ATMIN: variants seen among roughly 807,000 people sequenced by gnomAD.
ATMIN encodes ATM interactor.
Under a neutral mutation model 49.2 loss-of-function variants are expected in ATMIN, and 24 were observed. The ratio of observed to expected loss-of-function variants is 0.49; its 90% CI spans 0.35 to 0.69. The LOEUF (loss-of-function observed/expected upper bound fraction) is 0.69. Ranked by LOEUF, ATMIN falls within the 30% of genes least tolerant of loss-of-function variation. ATMIN has a pLI of 0.00. For missense variants in ATMIN, 1,037 were observed against 1,005.5 expected (o/e 1.03, Z -0.42); for synonymous variants, 450 against 392.5 (o/e 1.15, Z -1.73).
Position 81,043,630 on chromosome 16 carries a change from G to C in ATMIN, c.1132G>C (p.Glu378Gln), listed in dbSNP as rs1302751819. 1.9e-6 allele frequency: 3 copies of C among 1,614,214 alleles called. No homozygotes were observed. The Admixed American group carries it at 5.0e-5, about 27-fold the overall frequency. ...CAAAATTGCTAATCCTATTGCTGGT[G>C]AGCCAATAAGTACTGGTGTTCAAGT... is the stretch of plus-strand genomic sequence containing the variant. ...LFKIANPIAGEPISTGVQVNF... is the reference protein window; with the variant it reads ...LFKIANPIAGQPISTGVQVNF... The change falls in exon 4 of 4, where the codon GAG becomes CAG. Residue 378 changes from glutamate to glutamine, a missense_variant. Physicochemically the swap from Glu to Gln is conservative, Grantham distance 29. Coordinates refer to ENST00000299575, the MANE Select transcript of ATMIN (RefSeq NM_015251.3).
At position 81,036,295 on chromosome 16, in the gene ATMIN, A is replaced by T. The variant is rs994394103; in HGVS notation, c.336+89A>T. 22 of 1,089,076 alleles carry T rather than the reference A, an allele frequency of 2.0e-5. No individual in the cohort carries two copies. The African/African-American group carries it at 3.5e-4, about 17-fold the overall frequency. 67.5% of individuals were successfully genotyped at this position (1,089,076 alleles called of 1,614,324 possible). ...GGCGCGCGAAGCCGGCCTCGGGGGG[A>T]CGAGCGCCCTGCGCGCTGCCGCTGC... On this transcript the variant is annotated intron_variant, in intron 1 of 3. Transcript: ENST00000299575.
Position 81,044,470 on chromosome 16 carries a change from A to C in ATMIN, c.1972A>C (p.Thr658Pro), listed in dbSNP as rs530747895. The C allele has an allele frequency of 6.2e-7, 1 of 1,614,166 alleles. No homozygotes were observed. The highest frequency in any genetic ancestry group is 8.5e-7 in the Non-Finnish European group (1 of 1,180,038). The change falls in exon 4 of 4, where the codon ACC (threonine) becomes CCC (proline). Residue 658 changes from threonine to proline, a missense_variant. Transcript: ENST00000299575. ...QTQTEESELS[T>P]MTTEPVLESL... is the part of the protein sequence containing the mutation. ...TCAAACTGAAGAGAGTGAACTTAGC[A>C]CCATGACCACCGAGCCAGTCTTGGA... is the stretch of plus-strand genomic sequence containing the variant.
chr16:81,042,307 G>A lies in ATMIN; in HGVS notation c.489G>A (p.Lys163=), dbSNP rs1397435666. The A allele has an allele frequency of 1.9e-6, 3 of 1,613,658 alleles. No individual in the cohort carries two copies. In the East Asian group the frequency reaches 6.7e-5, roughly 36 times the overall value. ...ACTTTATGAAAATGCATGCTGAGAA[G>A]AAGCACAAATGTAGTAAGTGCAGCA... The part of the protein sequence containing the change: ...KQHFMKMHAE[K]KHKCSKCSNS... The change falls in exon 3 of 4, where the codon AAG becomes AAA. Residue 163 remains lysine, a synonymous_variant. Coordinates refer to ENST00000299575, the MANE Select transcript of ATMIN (RefSeq NM_015251.3).
Position 81,035,944 on chromosome 16 carries a change from C to G in ATMIN, c.74C>G (p.Ala25Gly), listed in dbSNP as rs1970919400. ...LAAGARAVPAATTGAAAAASG... is the reference protein window; with the variant it reads ...LAAGARAVPAGTTGAAAAASG... ...GCGGGTGCCCGGGCCGTCCCGGCGG[C>G]CACGACAGGAGCCGCCGCCGCCGCC... Residue 25 changes from alanine (A) to glycine (G), a missense_variant, in exon 1 of 4, where the codon GCC (alanine) becomes GGC (glycine). Physicochemically the swap from Ala to Gly is moderately conservative, Grantham distance 60 (BLOSUM62 0). Transcript: ENST00000299575. 9.9e-7 allele frequency: 1 copy of G among 1,008,522 alleles called. No individual in the cohort carries two copies. Among genetic ancestry groups the G allele is most frequent in the Admixed American group, 6.0e-5 (1 of 16,752 alleles). The allele number at this position is 1,008,522 out of a possible 1,614,324, so 62.5% of individuals were successfully genotyped here.
At chr16:81,041,100 C>G (rs1237561920) in intron 1 of ATMIN, 2 of 365,948 alleles carry the variant, frequency 5.5e-6, no homozygotes, top group Non-Finnish European at 1.0e-5. Flanking sequence ...GGGGGCATCT[C>G]CCTGGAATGT....
At chr16:81,040,805 G>A (rs1971024756) in intron 1 of ATMIN, 2 of 155,814 alleles carry the variant, frequency 1.3e-5, no homozygotes, top group African/African-American at 4.8e-5. Flanking sequence ...ATCTGATAAA[G>A]TATGAGTGAA....
At chr16:81,036,279 AGCCGG>A in intron 1 of ATMIN, 73 bp downstream of exon 1, 1 of 1,089,158 alleles carries the variant, frequency 9.2e-7, no homozygotes, top group Non-Finnish European at 1.1e-6. Context: ...CGGCGCGCGA[AGCCGG>A]CCTCGGGGGG....
rs1971086698 is a variant in ATMIN, at chr16:81,044,472, C to T, written c.1974C>T (p.Thr658=). 2.5e-6 allele frequency: 4 copies of T among 1,614,008 alleles called. No homozygotes were observed. In the South Asian group the frequency reaches 3.3e-5, roughly 13 times the overall value. Residue 658 remains threonine (T), a synonymous_variant, in exon 4 of 4, where the codon ACC becomes ACT. Transcript: ENST00000299575. ...AAACTGAAGAGAGTGAACTTAGCACCATGACCACCGAGCCAGTCTTGGAGT... is the reference window on the plus strand; with the variant it reads ...AAACTGAAGAGAGTGAACTTAGCACTATGACCACCGAGCCAGTCTTGGAGT... ...QTQTEESELS[T]MTTEPVLESL... is the part of the protein sequence containing the mutation.
At chr16:81,040,064 C>G (rs1484834453) in intron 1 of ATMIN, among the ~76,000 whole-genome samples, 2 of 152,120 alleles carry the variant, frequency 1.3e-5, no homozygotes, top group African/African-American at 2.4e-5. Context: ...CTTACTTTTC[C>G]TCTTGTATAT....
intron 1 of ATMIN, 56 bp downstream of exon 1, chr16:81,036,262 C>T (rs1052232250): frequency 6.9e-6 from 8 of 1,166,074 alleles, no homozygotes; most frequent in African/African-American, 3.3e-5. Context: ...AACAAAGCGC[C>T]CGGCGCCGGC....
In ATMIN at chr16:81,045,183, T is replaced by G. The variant is rs1971098521; in HGVS notation, c.*213T>G. 1.3e-5 allele frequency: 8 copies of G among 605,000 alleles called. No individual in the cohort carries two copies. In the Admixed American group the frequency reaches 2.9e-4, roughly 22 times the overall value. 37.5% of individuals were successfully genotyped at this position (605,000 alleles called of 1,614,324 possible). ...GTTTGAGATGTTGATCTAAATTGTT[T>G]TTGTGTTGCCTACATTTGCCTTTTC... On this transcript the variant is annotated 3_prime_UTR_variant, in exon 4 of 4. Transcript: ENST00000299575.
intron 1 of ATMIN, among the ~76,000 whole-genome samples, chr16:81,036,478 T>C (rs533779742): frequency 6.6e-6 from 1 of 152,272 alleles, no homozygotes; most frequent in East Asian, 1.9e-4. Context: ...TGGCCCCGAG[T>C]GTCGTGCCGG....
chr16:81,042,458 C>T lies in ATMIN; in HGVS notation c.640C>T (p.His214Tyr). ...GCAGTCTCACATCTACCGAACTGGG[C>T]ACGAGATACCTGCAGAACACAGGTG... ...ALQSHIYRTGHEIPAEHRDPP... is the reference protein window; with the variant it reads ...ALQSHIYRTGYEIPAEHRDPP... Residue 214 changes from histidine (H) to tyrosine (Y), a missense_variant, in exon 3 of 4, where the codon CAC (histidine) becomes TAC (tyrosine). Transcript: ENST00000299575. 6.2e-7 allele frequency: 1 copy of T among 1,614,102 alleles called. No homozygotes were observed. The highest frequency in any genetic ancestry group is 8.5e-7 in the Non-Finnish European group (1 of 1,180,004).
rs34093092 is a variant in ATMIN, at chr16:81,045,977, CA to C, written c.*1020del. ...TGGGTAACAGGGCAAGACCCTATCT[CA>C]AAAAAAAAAAAAGTCGCCAGCAACA... On this transcript the variant is annotated 3_prime_UTR_variant, in exon 4 of 4. Transcript: ENST00000299575. The C allele has an allele frequency of 1.1e-3, 158 of 143,126 alleles. No homozygotes were observed. The highest frequency in any genetic ancestry group is 2.9e-3 in the African/African-American group (114 of 38,866). 8.9% of individuals were successfully genotyped at this position (143,126 alleles called of 1,614,324 possible). A position where few individuals can be genotyped will look rare whatever the true frequency, so the allele number is the denominator to read the frequency against.
Position 81,044,144 on chromosome 16 carries a change from A to C in ATMIN, c.1646A>C (p.Gln549Pro). ...AETVTHSLLP[Q>P]NEPKTLNQDI... The stretch of plus-strand genomic sequence containing the variant: ...ACAGTAACTCATAGTTTGTTACCTC[A>C]GAATGAGCCTAAGACTTTAAATCAA... The change falls in exon 4 of 4, where the codon CAG becomes CCG. Residue 549 changes from glutamine to proline, a missense_variant. By Grantham distance (76) the Gln-to-Pro change is moderately conservative. Transcript: ENST00000299575. 6.2e-7 allele frequency: 1 copy of C among 1,614,254 alleles called. No individual in the cohort carries two copies. Among genetic ancestry groups the C allele is most frequent in the Non-Finnish European group, 8.5e-7 (1 of 1,180,030 alleles).
At chr16:81,042,959 T>C (rs936776140) in intron 3 of ATMIN, among the ~76,000 whole-genome samples, 2 of 152,060 alleles carry the variant, frequency 1.3e-5, no homozygotes, top group Non-Finnish European at 2.9e-5. Flanking sequence ...GTTTCCTCCT[T>C]CTCTGTTTGC....
chr16:81,037,696 C>G (rs1456298147), intron 1 of ATMIN, among the ~76,000 whole-genome samples: 1 of 152,126 alleles, frequency 6.6e-6, no homozygotes, highest in Non-Finnish European at 1.5e-5. Flanking sequence ...AGCGCAGTGG[C>G]GCCATCTCAG....
chr16:81,037,095 C>T (rs1299437497), intron 1 of ATMIN: 2 of 812,700 alleles, frequency 2.5e-6, no homozygotes, highest in Middle Eastern at 6.1e-4. Flanking sequence ...CTGTGACAAG[C>T]TTATTAAAAA....
chr16:81,037,309 G>A (rs2151736570), intron 1 of ATMIN: 2 of 985,470 alleles, frequency 2.0e-6, no homozygotes, highest in East Asian at 2.3e-4. Context: ...TCTGCCCATA[G>A]TCAGGCTTCT....
Sources: allele counts gnomAD v4.1 joint callset (sites outside exome capture counted in the v4.1 genomes callset), GRCh38; gene constraint gnomAD v4.1.1; transcripts MANE v1.5; gene names NCBI Gene and HGNC (gene_info 2026-07-23, HGNC 2026-07-21).